Variants in ITPR1 observed in about 807,000 individuals in gnomAD.
The protein encoded by ITPR1 is inositol 1,4,5-trisphosphate receptor type 1, also known as inositol 1,4,5-trisphosphate-gated calcium channel ITPR1.
A neutral mutation model predicts 318.4 loss-of-function variants in ITPR1; 96 were observed. The ratio of observed to expected loss-of-function variants is 0.30; its 90% CI spans 0.26 to 0.36. The LOEUF is 0.36. Ranked by LOEUF, ITPR1 falls within the 10% of genes least tolerant of loss-of-function variation. The pLI is 1.00. For synonymous variants in ITPR1, 1,312 were observed against 1,289.9 expected, an observed-to-expected ratio of 1.02 and a Z score of -0.37; for missense variants, 2,440 against 3,460.2, an observed-to-expected ratio of 0.71 and a Z score of 7.40.
At chr3:4,817,179 C>A (rs10865950) in intron 59 of ITPR1, among the ~76,000 whole-genome samples, 6 of 152,010 alleles carry the variant, frequency 3.9e-5, no homozygotes, top group South Asian at 2.1e-4. Context: ...TGTACATTTC[C>A]TGAGCCATCC....
rs773852517 is a variant in ITPR1, at chr3:4,811,475, T to C, written c.7468+15T>C. The stretch of plus-strand genomic sequence containing the variant: ...AGCTGTTCCAGGTGGGTTTGGGATC[T>C]TCTGATCTTTTTAATGCTAAAAGAT... On this transcript the variant is annotated intron_variant, in intron 56 of 61. Coordinates refer to ENST00000649015, the MANE Select transcript of ITPR1 (RefSeq NM_001378452.1). The C allele has an allele frequency of 4.4e-6, 7 of 1,599,124 alleles. No homozygotes were observed. In the East Asian group the frequency reaches 1.3e-4, roughly 31 times the overall value.
chr3:4,729,878 T>C (rs1208550429), intron 42 of ITPR1, among the ~76,000 whole-genome samples: 1 of 152,038 alleles, frequency 6.6e-6, no homozygotes, highest in East Asian at 1.9e-4. Context: ...TTAAAAAGGG[T>C]TGCACAGCCA....
intron 4 of ITPR1, among the ~76,000 whole-genome samples, chr3:4,554,727 C>G (rs1025737196): frequency 5.9e-5 from 9 of 152,130 alleles, no homozygotes; most frequent in Admixed American, 5.2e-4. Context: ...AAATATCTGT[C>G]TCACTGGTCA....
At chr3:4,726,450 T>A (rs2125307669) in intron 41 of ITPR1, among the ~76,000 whole-genome samples, 1 of 152,258 alleles carries the variant, frequency 6.6e-6, no homozygotes, top group Admixed American at 6.5e-5. Flanking sequence ...TGGGGAGACA[T>A]ATTTCCAAGT....
chr3:4,516,008 C>T (rs1559369616), intron 2 of ITPR1, among the ~76,000 whole-genome samples: 1 of 152,270 alleles, frequency 6.6e-6, no homozygotes, highest in Admixed American at 6.5e-5. Flanking sequence ...GTACCTTAGC[C>T]CAGGCACTGT....
rs1467649683 is a variant in ITPR1 at position 4,779,098 on chromosome 3, T to C, written c.6292-452T>C. Among the ~76,000 whole-genome samples, 1 of 152,220 alleles carries C rather than the reference T, an allele frequency of 6.6e-6. No homozygotes were observed. Among genetic ancestry groups the C allele is most frequent in the Non-Finnish European group, 1.5e-5 (1 of 68,032 alleles). On this transcript the variant is annotated intron_variant, in intron 48 of 61. Coordinates refer to ENST00000649015, the MANE Select transcript of ITPR1 (RefSeq NM_001378452.1). The surrounding 1 kb of genome is among the most constrained non-coding windows in gnomAD (Gnocchi z 4.0). ...AGAAATATTTTAAGACAGGGAAGAATTACCTTTATTACCTGTCTTCTCTGG... is the reference window on the plus strand; with the variant it reads ...AGAAATATTTTAAGACAGGGAAGAACTACCTTTATTACCTGTCTTCTCTGG...
chr3:4,582,698 C>G (rs565133241), intron 4 of ITPR1, among the ~76,000 whole-genome samples: 1 of 152,316 alleles, frequency 6.6e-6, no homozygotes, highest in East Asian at 1.9e-4. Flanking sequence ...TTGTATACAT[C>G]TCTTTATGGC....
At chr3:4,720,234 G>GGA (rs2042052894) in intron 40 of ITPR1, among the ~76,000 whole-genome samples, 1 of 152,182 alleles carries the variant, frequency 6.6e-6, no homozygotes. Context: ...GGGGGCAAAG[G>GGA]GACAATAATA....
At chr3:4,684,924 A>G (rs2094364930) in intron 29 of ITPR1, 145 bp from the exon 30 acceptor site, 1 of 727,112 alleles carries the variant, frequency 1.4e-6, no homozygotes, top group Non-Finnish European at 2.3e-6. Flanking sequence ...TGGAGTCAAC[A>G]GAAATGCCAC....
In ITPR1 at chr3:4,537,800, T is replaced by A. The variant is rs187425217; in HGVS notation, c.163+16706T>A. On this transcript the variant is annotated intron_variant, in intron 4 of 61. Transcript: ENST00000649015. ...ATTTTAGACTTCTTACCTCCATGAC[T>A]TTGAGAGAGTAGATTTGTGTTGCTT... Among the ~76,000 whole-genome samples, 822 of 152,330 alleles carry A rather than the reference T, an allele frequency of 5.4e-3. 6 individuals are homozygous for A. The highest frequency in any genetic ancestry group is 9.5e-3 in the Non-Finnish European group (645 of 68,030).
At position 4,820,476 on chromosome 3, in the gene ITPR1, G is replaced by A. The variant is rs934083516; in HGVS notation, c.8028+2234G>A. Among the ~76,000 whole-genome samples, 65 of 152,254 alleles carry A rather than the reference G, an allele frequency of 4.3e-4. 1 individual carries two copies. The highest frequency in any genetic ancestry group is 6.3e-4 in the African/African-American group (26 of 41,548). ...GTCTCAATCGTGGAGACTTAAAGGC[G>A]TCTTGTGAGCAGTCACTTGATAAGG... On this transcript the variant is annotated intron_variant, in intron 60 of 61. Coordinates refer to ENST00000649015, the MANE Select transcript of ITPR1 (RefSeq NM_001378452.1).
At chr3:4,692,145 G>GA (rs34301060) in intron 32 of ITPR1, among the ~76,000 whole-genome samples, 58,719 of 141,670 alleles carry the variant, frequency 0.41, 13,274 homozygotes, top group Non-Finnish European at 0.54. Context: ...TTGTCTCTTA[G>GA]AAAAAAAATA....
chr3:4,640,259 T>G (rs1438813614), intron 6 of ITPR1, among the ~76,000 whole-genome samples: 2 of 152,248 alleles, frequency 1.3e-5, no homozygotes, highest in African/African-American at 4.8e-5. Flanking sequence ...CCCTTTCTCT[T>G]GCTATTAGGT....
intron 46 of ITPR1, among the ~76,000 whole-genome samples, chr3:4,774,320 C>T (rs1210220653): frequency 1.3e-5 from 2 of 152,184 alleles, no homozygotes; most frequent in African/African-American, 4.8e-5. Context: ...CTGTCACAAG[C>T]AGTACTATAG....
chr3:4,502,271 G>T (rs973442854), intron 2 of ITPR1, among the ~76,000 whole-genome samples: 1 of 152,078 alleles, frequency 6.6e-6, no homozygotes, highest in African/African-American at 2.4e-5. Context: ...TTGAAAATCT[G>T]TCATTTGAAA....
At chr3:4,799,863 AG>A (rs1217736880) in intron 53 of ITPR1, 1 of 152,384 alleles carries the variant, frequency 6.6e-6, no homozygotes, top group Non-Finnish European at 1.5e-5. Flanking sequence ...TGATTCAGGC[AG>A]GGGACCTGCA....
intron 44 of ITPR1, among the ~76,000 whole-genome samples, chr3:4,741,413 C>G (rs1322898976): frequency 1.3e-5 from 2 of 152,162 alleles, no homozygotes; most frequent in Non-Finnish European, 2.9e-5. Context: ...ACAGACACAC[C>G]CGAAAAGGGT....
chr3:4,594,560 A>G (rs1286639597), intron 4 of ITPR1, among the ~76,000 whole-genome samples: 1 of 152,118 alleles, frequency 6.6e-6, no homozygotes, highest in East Asian at 1.9e-4. Context: ...GCCTATTCTT[A>G]GGTTGTCTCT....
Position 4,652,043 on chromosome 3 carries a change from T to C in ITPR1, c.856-80T>C, listed in dbSNP as rs139601218. 2,002 of 1,095,960 alleles carry C rather than the reference T, an allele frequency of 1.8e-3. 28 individuals are homozygous for C. In the African/African-American group the frequency reaches 0.024, roughly 13 times the overall value. 67.9% of individuals were successfully genotyped at this position (1,095,960 alleles called of 1,614,324 possible). On this transcript the variant is annotated intron_variant, in intron 10 of 61. Coordinates refer to ENST00000649015, the MANE Select transcript of ITPR1 (RefSeq NM_001378452.1). ...TAGCTTATAAACATCCCTCCTGAAC[T>C]ATGACTTGTGATACCTCCGATTTAA... is the stretch of plus-strand genomic sequence containing the variant.
Sources: gnomAD v4.1 joint callset for allele counts (sites outside exome capture counted in the v4.1 genomes callset) on GRCh38, gnomAD v4.1.1 for gene constraint, Gnocchi (gnomAD v3.1) non-coding constraint, MANE v1.5 for transcripts, NCBI Gene and HGNC (gene_info 2026-07-23, HGNC 2026-07-21) for gene names.